Variants in FER observed in about 807,000 individuals in gnomAD.
FER encodes the protein tyrosine-protein kinase Fer.
Under a neutral mutation model 111.0 loss-of-function variants are expected in FER, and 63 were observed. That is an observed-to-expected ratio of 0.57 (90% CI 0.46 to 0.70). The LOEUF (loss-of-function observed/expected upper bound fraction) is 0.70. FER is among the 30% of genes least tolerant of loss of function. FER has a pLI of 0.00. For missense variants in FER, 914 were observed against 954.0 expected, an observed-to-expected ratio of 0.96 and a Z score of 0.55; for synonymous variants, 327 against 313.9, an observed-to-expected ratio of 1.04 and a Z score of -0.44.
chr5:109,147,856 A>G (rs1053995885), intron 17 of FER, among the ~76,000 whole-genome samples: 10 of 151,590 alleles, frequency 6.6e-5, no homozygotes, highest in African/African-American at 2.4e-4. Flanking sequence ...AGTGAAACAC[A>G]CCAAAATATT....
chr5:108,931,104 G>A (rs989484665), intron 10 of FER, among the ~76,000 whole-genome samples: 2 of 152,072 alleles, frequency 1.3e-5, no homozygotes, highest in African/African-American at 4.8e-5. Flanking sequence ...ATAAAATGAG[G>A]ATAATAACAG....
chr5:108,909,919 C>T (rs1167001593), intron 10 of FER, among the ~76,000 whole-genome samples: 1 of 151,486 alleles, frequency 6.6e-6, no homozygotes, highest in Non-Finnish European at 1.5e-5. Flanking sequence ...ATTAAATACT[C>T]AAATATTTTT....
intron 10 of FER, among the ~76,000 whole-genome samples, chr5:108,920,844 G>T (rs898450638): frequency 6.6e-6 from 1 of 151,980 alleles, no homozygotes; most frequent in African/African-American, 2.4e-5. Context: ...TATATAACCA[G>T]AATGAAATTC....
intron 13 of FER, among the ~76,000 whole-genome samples, chr5:109,010,237 A>G (rs1219742813): frequency 6.6e-6 from 1 of 152,084 alleles, no homozygotes; most frequent in African/African-American, 2.4e-5. Context: ...GGCCCACTGC[A>G]AGCTCCGCCT....
At chr5:109,166,755 C>A (rs1756598598) in intron 17 of FER, among the ~76,000 whole-genome samples, 1 of 152,092 alleles carries the variant, frequency 6.6e-6, no homozygotes, top group South Asian at 2.1e-4. Flanking sequence ...GTATAACATA[C>A]CCTCACATTT....
chr5:109,053,005 C>T, intron 16 of FER, among the ~76,000 whole-genome samples: 1 of 152,160 alleles, frequency 6.6e-6, no homozygotes, highest in East Asian at 1.9e-4. Flanking sequence ...TGGAAAATAT[C>T]AGATCACCAA....
At chr5:109,022,304 G>A (rs900396601) in intron 13 of FER, among the ~76,000 whole-genome samples, 5 of 152,046 alleles carry the variant, frequency 3.3e-5, no homozygotes, top group Admixed American at 6.6e-5. Flanking sequence ...AGGAACACAT[G>A]GATGCAGCTT....
chr5:109,083,773 T>G (rs761980342), intron 16 of FER, among the ~76,000 whole-genome samples: 1 of 151,770 alleles, frequency 6.6e-6, no homozygotes, highest in South Asian at 2.1e-4. Flanking sequence ...TGACAGAGAG[T>G]AGGCTTGCTT....
At chr5:108,890,281 A>G (rs1426694824) in intron 9 of FER, among the ~76,000 whole-genome samples, 1 of 152,090 alleles carries the variant, frequency 6.6e-6, no homozygotes. Context: ...GCAGTGTTCC[A>G]TGGTATGTGT....
intron 16 of FER, chr5:109,052,395 T>G: frequency 6.4e-7 from 1 of 1,552,244 alleles, no homozygotes; most frequent in South Asian, 1.1e-5. Flanking sequence ...ACACCTTCCC[T>G]CCAGCAGTTA....
intron 8 of FER, among the ~76,000 whole-genome samples, chr5:108,879,697 AAAAAATATAT>A (rs1159040989): frequency 1.9e-4 from 18 of 96,052 alleles, no homozygotes; most frequent in African/African-American, 3.1e-4. Flanking sequence ...TTAGATTAAA[AAAAAATATAT>A]ATATATATAT....
chr5:108,769,482 G>A (rs889403781), intron 2 of FER, among the ~76,000 whole-genome samples: 2 of 152,160 alleles, frequency 1.3e-5, no homozygotes, highest in Admixed American at 6.5e-5. Flanking sequence ...GGTTTGGCCC[G>A]AGGTTTGCAT....
chr5:108,908,818 C>T (rs1026743523), intron 10 of FER, among the ~76,000 whole-genome samples: 10 of 152,080 alleles, frequency 6.6e-5, no homozygotes, highest in East Asian at 3.9e-4. Flanking sequence ...GTGGGTGGAT[C>T]GCTTGAGCTC....
intron 16 of FER, among the ~76,000 whole-genome samples, chr5:109,081,294 A>G (rs1158591753): frequency 6.6e-6 from 1 of 152,104 alleles, no homozygotes. Context: ...TATTGTGTGC[A>G]TGACTCTTAT....
chr5:108,948,945 C>T (rs1028792516), intron 11 of FER, among the ~76,000 whole-genome samples: 2 of 152,088 alleles, frequency 1.3e-5, no homozygotes, highest in Admixed American at 6.6e-5. Flanking sequence ...AATTATTCAA[C>T]AGCAGTCTCC....
intron 13 of FER, among the ~76,000 whole-genome samples, chr5:108,992,676 G>A (rs1469197886): frequency 6.7e-6 from 1 of 148,346 alleles, no homozygotes; most frequent in Non-Finnish European, 1.5e-5. Context: ...GGCCTGGCGG[G>A]GGCTGACCCC....
intron 17 of FER, among the ~76,000 whole-genome samples, chr5:109,148,040 ATGT>A (rs941853808): frequency 1.3e-5 from 2 of 151,896 alleles, no homozygotes; most frequent in Non-Finnish European, 2.9e-5. Context: ...GTTTTTTTAA[ATGT>A]TGTACATATA....
intron 13 of FER, among the ~76,000 whole-genome samples, chr5:109,031,956 C>T (rs972755766): frequency 7.9e-5 from 12 of 152,096 alleles, no homozygotes; most frequent in Non-Finnish European, 1.8e-4. Context: ...AGAAGCAGTG[C>T]TAGCAATGCT....
At chr5:108,773,394 T>A (rs567040478) in intron 2 of FER, among the ~76,000 whole-genome samples, 1 of 152,254 alleles carries the variant, frequency 6.6e-6, no homozygotes, top group Admixed American at 6.5e-5. Flanking sequence ...CCCCTCCCTG[T>A]GTCCATGTGT....
Sources: gnomAD v4.1 joint callset for allele counts (sites outside exome capture counted in the v4.1 genomes callset) on GRCh38, gnomAD v4.1.1 for gene constraint, MANE v1.5 for transcripts, NCBI Gene and HGNC (gene_info 2026-07-23, HGNC 2026-07-21) for gene names.